Variants in SLC9D1 observed in about 807,000 individuals in gnomAD.
SLC9D1 encodes the protein solute carrier family 9 member D1, also known as putative LAG1-interacting protein.
the SLC9D1 span, among the ~76,000 whole-genome samples, chr13:113,499,374 C>T: frequency 0.028 from 4,235 of 152,192 alleles, 108 homozygotes; most frequent in East Asian, 0.12. Context: ...ATGCCTGTCC[C>T]GGACATGCAG....
chr13:113,515,826 GT>G, the SLC9D1 span, among the ~76,000 whole-genome samples: 3 of 140,706 alleles, frequency 2.1e-5, no homozygotes. Context: ...GGGAGACAGA[GT>G]TTGCAGTGAG....
chr13:113,495,393 A>G, the SLC9D1 span: 651 of 511,986 alleles, frequency 1.3e-3, 3 homozygotes, highest in African/African-American at 0.011. Context: ...TCTAGGAAAA[A>G]TGAGAATTTC....
At chr13:113,548,516 G>A in the SLC9D1 span, 103 of 1,540,276 alleles carry the variant, frequency 6.7e-5, no homozygotes, top group Admixed American at 9.1e-4. Flanking sequence ...GGTTTGAGTC[G>A]GGTGTGGCGA....
the SLC9D1 span, chr13:113,520,714 G>A: frequency 2.5e-6 from 4 of 1,612,734 alleles, no homozygotes; most frequent in Middle Eastern, 1.7e-4. Flanking sequence ...CATACAGGCG[G>A]GCGCCAGTGC....
chr13:113,535,309 G>A, the SLC9D1 span: 11 of 152,312 alleles, frequency 7.2e-5, no homozygotes, highest in African/African-American at 1.2e-4. This position sits in a 1 kb window ranked among gnomAD's most constrained non-coding sequence, Gnocchi z 4.1. Flanking sequence ...TTACCGAGAC[G>A]ACAGTCTTTA....
chr13:113,534,044 G>A, the SLC9D1 span: 1 of 1,588,134 alleles, frequency 6.3e-7, no homozygotes, highest in South Asian at 1.2e-5. Context: ...TTCTTTCCCA[G>A]CATTGTCGTG....
chr13:113,544,004 C>T, the SLC9D1 span, among the ~76,000 whole-genome samples: 155 of 152,354 alleles, frequency 1.0e-3, 1 homozygote, highest in African/African-American at 3.5e-3. Flanking sequence ...CCAGGCAGCA[C>T]GTAGACGGCA....
chr13:113,519,192 C>T, the SLC9D1 span, among the ~76,000 whole-genome samples: 1 of 152,074 alleles, frequency 6.6e-6, no homozygotes, highest in Non-Finnish European at 1.5e-5. Flanking sequence ...TGCAGGTGCC[C>T]GCCACCATGC....
chr13:113,495,728 G>C, the SLC9D1 span: 1 of 1,613,548 alleles, frequency 6.2e-7, no homozygotes, highest in Non-Finnish European at 8.5e-7. Context: ...GCCGGCAGTG[G>C]GTCCGGGACA....
chr13:113,525,569 G>A, the SLC9D1 span, among the ~76,000 whole-genome samples: 2 of 130,026 alleles, frequency 1.5e-5, no homozygotes, highest in African/African-American at 5.0e-5. Context: ...CATAGGAGAC[G>A]ACAGCTCTGT....
the SLC9D1 span, among the ~76,000 whole-genome samples, chr13:113,517,466 G>A: frequency 2.6e-5 from 4 of 152,238 alleles, no homozygotes; most frequent in South Asian, 2.1e-4. Flanking sequence ...CTGACCTCGT[G>A]ATCCGCCCGC....
the SLC9D1 span, chr13:113,539,453 A>G: frequency 6.2e-7 from 1 of 1,613,428 alleles, no homozygotes; most frequent in African/African-American, 1.3e-5. This position sits in a 1 kb window ranked among gnomAD's most constrained non-coding sequence, Gnocchi z 4.8. Context: ...GGAGATCGCC[A>G]CCTCCATCGA....
chr13:113,547,527 C>G, the SLC9D1 span: 1 of 643,958 alleles, frequency 1.6e-6, no homozygotes, highest in Admixed American at 2.8e-5. Flanking sequence ...CCACTGGACC[C>G]CGGGGGAGGC....
the SLC9D1 span, among the ~76,000 whole-genome samples, chr13:113,520,960 C>T: frequency 3.3e-5 from 5 of 152,162 alleles, no homozygotes; most frequent in Non-Finnish European, 7.3e-5. Flanking sequence ...TGTCTTCCAT[C>T]AAGTAGGGGT....
chr13:113,498,756 C>T, the SLC9D1 span: 1 of 375,844 alleles, frequency 2.7e-6, no homozygotes, highest in South Asian at 3.0e-5. Context: ...AGCAGCTTGT[C>T]TGCATTTTCC....
chr13:113,521,118 C>G, the SLC9D1 span, among the ~76,000 whole-genome samples: 2 of 150,968 alleles, frequency 1.3e-5, no homozygotes, highest in Non-Finnish European at 3.0e-5. Context: ...GAGGGAGTAT[C>G]TGTGTGTGTG....
At chr13:113,496,097 C>T in the SLC9D1 span, 1 of 1,058,548 alleles carries the variant, frequency 9.4e-7, no homozygotes, top group Non-Finnish European at 1.4e-6. Flanking sequence ...AGAGTGCGTG[C>T]CCACATCCTC....
At chr13:113,548,467 C>T in the SLC9D1 span, 1 of 1,595,456 alleles carries the variant, frequency 6.3e-7, no homozygotes, top group Non-Finnish European at 8.5e-7. Context: ...GTGGCTTCCC[C>T]CCGCGGAGCG....
chr13:113,535,193 T>C, the SLC9D1 span: 39 of 152,266 alleles, frequency 2.6e-4, no homozygotes, highest in African/African-American at 8.7e-4. The surrounding 1 kb of genome is among the most constrained non-coding windows in gnomAD (Gnocchi z 4.1). Context: ...AAATTAAGTT[T>C]GGAAAAACAG....
Sources: allele counts gnomAD v4.1 joint callset (sites outside exome capture counted in the v4.1 genomes callset), GRCh38; gene constraint gnomAD v4.1.1; non-coding constraint Gnocchi (gnomAD v3.1); transcripts MANE v1.5; gene names NCBI Gene and HGNC (gene_info 2026-07-23, HGNC 2026-07-21).